The following RASSF8 variants were observed in gnomAD, a reference collection of about 807,000 sequenced individuals.
RASSF8 encodes ras association domain-containing protein 8.
Under a neutral mutation model 48.5 loss-of-function variants are expected in RASSF8, and 22 were observed. That is an observed-to-expected ratio of 0.45 (90% CI 0.32 to 0.65). The LOEUF (loss-of-function observed/expected upper bound fraction) is 0.65, where lower values mean the gene tolerates loss of function less well. RASSF8 is among the 30% of genes least tolerant of loss of function. RASSF8 has a pLI of 0.03. For missense variants in RASSF8, 418 were observed against 489.2 expected (o/e 0.85, Z 1.37); for synonymous variants, 127 against 171.5 (o/e 0.74, Z 2.03).
intron 2 of RASSF8, among the ~76,000 whole-genome samples, chr12:26,048,441 T>C (rs1028318569): frequency 1.3e-5 from 2 of 152,142 alleles, no homozygotes; most frequent in Admixed American, 1.3e-4. Context: ...AAGATGCATA[T>C]GCTGAGAATA....
At position 25,958,750 on chromosome 12, in the gene RASSF8, C is replaced by A. The variant is rs1049942877; in HGVS notation, c.-601C>A. On this transcript the variant is annotated 5_prime_UTR_variant, in exon 1 of 6. Transcript: ENST00000689635. ...CCCGCGCTCCTCCTACGCCCGCGCT[C>A]GTCCGGCGCCCCGCGCCGCGCCCCG... Among the ~76,000 whole-genome samples, 38 of 146,768 alleles carry A rather than the reference C, an allele frequency of 2.6e-4. No homozygotes were observed. Among genetic ancestry groups the A allele is most frequent in the Non-Finnish European group, 3.9e-4 (26 of 65,912 alleles).
intron 3 of RASSF8, among the ~76,000 whole-genome samples, chr12:26,058,538 G>GCGCACGCACT (rs377669426): frequency 6.7e-6 from 1 of 148,998 alleles, no homozygotes; most frequent in African/African-American, 2.5e-5. Context: ...ACGCGCGCGC[G>GCGCACGCACT]CACACACACA....
intron 2 of RASSF8, among the ~76,000 whole-genome samples, chr12:25,997,346 T>A (rs1339962767): frequency 1.3e-5 from 2 of 152,178 alleles, no homozygotes; most frequent in Non-Finnish European, 1.5e-5. Flanking sequence ...CAAAACTGCC[T>A]TCCAAGTAAT....
At chr12:26,065,640 A>G (rs1259702608) in intron 4 of RASSF8, among the ~76,000 whole-genome samples, 1 of 152,184 alleles carries the variant, frequency 6.6e-6, no homozygotes, top group Admixed American at 6.5e-5. Context: ...AATGGACACT[A>G]ATGATGAGAT....
chr12:25,986,776 G>T (rs1941886211), intron 1 of RASSF8, among the ~76,000 whole-genome samples: 1 of 152,146 alleles, frequency 6.6e-6, no homozygotes, highest in African/African-American at 2.4e-5. Flanking sequence ...ACTTACTGCT[G>T]CCTTTCTCTT....
chr12:26,056,495 A>G (rs878880579), intron 3 of RASSF8, among the ~76,000 whole-genome samples: 1 of 152,192 alleles, frequency 6.6e-6, no homozygotes, highest in Non-Finnish European at 1.5e-5. Context: ...CTCCTTATCA[A>G]AAGTTGATTT....
chr12:25,962,325 TTTCTCATAAAGGTC>T (rs1247586613), intron 1 of RASSF8, among the ~76,000 whole-genome samples: 1 of 152,190 alleles, frequency 6.6e-6, no homozygotes, highest in Non-Finnish European at 1.5e-5. Context: ...TCAAATGTCC[TTTCTCATAAAGGTC>T]TTCTCTGACA....
At chr12:26,076,376 A>C (rs1944073140), downstream of RASSF8, among the ~76,000 whole-genome samples, 1 of 151,842 alleles carries the variant, frequency 6.6e-6, no homozygotes, top group Non-Finnish European at 1.5e-5. Context: ...TTAACTCGTC[A>C]TTTACATTGG....
chr12:26,036,021 A>G lies in RASSF8; in HGVS notation c.-108-19215A>G, dbSNP rs555956391. ...TTCACTCCTCTGAGCATAAGGGCCC[A>G]AACTCAGTCTAAAGGGCAGATACCA... On this transcript the variant is annotated intron_variant, in intron 2 of 5. Coordinates refer to ENST00000689635, the MANE Select transcript of RASSF8 (RefSeq NM_001394098.1). Among the ~76,000 whole-genome samples, 4 of 150,440 alleles carry G rather than the reference A, an allele frequency of 2.7e-5. No individual in the cohort carries two copies. In the South Asian group the frequency reaches 8.4e-4, roughly 31 times the overall value.
At chr12:26,078,211 ACAAAG>A (rs1944087772) in intron 5 of RASSF8, among the ~76,000 whole-genome samples, 1 of 152,246 alleles carries the variant, frequency 6.6e-6, no homozygotes. Flanking sequence ...CAGATGTTGA[ACAAAG>A]AAGCAAAAAA....
intron 1 of RASSF8, among the ~76,000 whole-genome samples, chr12:25,981,835 A>G (rs1234534444): frequency 2.0e-5 from 3 of 152,162 alleles, no homozygotes; most frequent in African/African-American, 7.2e-5. Flanking sequence ...TTATTTCTGT[A>G]TTACAGCGTT....
chr12:26,000,817 T>C (rs1942237631), intron 2 of RASSF8, among the ~76,000 whole-genome samples: 1 of 152,126 alleles, frequency 6.6e-6, no homozygotes. Context: ...TTAAAAGTGG[T>C]ACACCTGTAT....
At chr12:26,026,780 T>C (rs1395258218) in intron 2 of RASSF8, among the ~76,000 whole-genome samples, 2 of 152,172 alleles carry the variant, frequency 1.3e-5, no homozygotes, top group East Asian at 3.8e-4. Context: ...ATAAGAACTC[T>C]CATACACTGT....
At chr12:25,983,166 G>A (rs752824635) in intron 1 of RASSF8, among the ~76,000 whole-genome samples, 3 of 151,944 alleles carry the variant, frequency 2.0e-5, no homozygotes, top group Non-Finnish European at 2.9e-5. Flanking sequence ...ATAGTTGTCA[G>A]AAAGAATGTA....
intron 1 of RASSF8, among the ~76,000 whole-genome samples, chr12:25,973,200 C>G (rs576735417): frequency 3.7e-5 from 5 of 135,408 alleles, no homozygotes; most frequent in Admixed American, 7.6e-5. Context: ...ATAAAAAGAT[C>G]GCTATTTTTT....
intron 1 of RASSF8, among the ~76,000 whole-genome samples, chr12:25,968,248 G>C (rs1941403684): frequency 6.6e-6 from 1 of 152,232 alleles, no homozygotes; most frequent in South Asian, 2.1e-4. Context: ...TATAACTGAA[G>C]TTGTTTGCAG....
chr12:26,079,065 A>G lies in RASSF8; in HGVS notation c.1171A>G (p.Lys391Glu), dbSNP rs777556742. The G allele has an allele frequency of 6.5e-6, 10 of 1,545,880 alleles. No individual in the cohort carries two copies. In the East Asian group the frequency reaches 1.5e-4, roughly 23 times the overall value. ...CATTCTTTCTGATAAGCAGGAGTGT[A>G]AAGATTAGATATCACACCAAAAGCT... The change falls in exon 6 of 6, where the codon AAA (lysine) becomes GAA (glutamate). Residue 391 changes from lysine to glutamate, a missense_variant. By Grantham distance (56) the Lys-to-Glu change is moderately conservative. Coordinates refer to the RASSF8 transcript ENST00000381352.
At chr12:26,068,577 A>C in intron 5 of RASSF8, 120 bp from the exon 6 acceptor site, 1 of 751,626 alleles carries the variant, frequency 1.3e-6, no homozygotes, top group Non-Finnish European at 2.2e-6. Flanking sequence ...CACACAGGGG[A>C]TTGCAATTAT....
intron 2 of RASSF8, among the ~76,000 whole-genome samples, chr12:26,034,547 A>G (rs151144260): frequency 1.3e-5 from 2 of 152,240 alleles, no homozygotes; most frequent in African/African-American, 4.8e-5. Flanking sequence ...CATTCCTACC[A>G]CTTCCAAAAT....
Sources: gnomAD v4.1 joint callset for allele counts (sites outside exome capture counted in the v4.1 genomes callset) on GRCh38, gnomAD v4.1.1 for gene constraint, MANE v1.5 for transcripts, NCBI Gene and HGNC (gene_info 2026-07-23, HGNC 2026-07-21) for gene names.